Variants in PLCB1 observed in about 807,000 individuals in gnomAD.
PLCB1 encodes 1-phosphatidylinositol 4,5-bisphosphate phosphodiesterase beta-1.
A neutral mutation model predicts 161.8 loss-of-function variants in PLCB1; 46 were observed. The observed-to-expected ratio is 0.28, with a 90% CI of 0.22 to 0.36. PLCB1 has a LOEUF of 0.36. Ranked by LOEUF, PLCB1 falls within the 10% of genes least tolerant of loss-of-function variation. The probability of loss-of-function intolerance (pLI) is 1.00; values close to 1 mark genes in which losing one functional copy is unlikely to be tolerated. For missense variants in PLCB1, 1,016 were observed against 1,472.5 expected (o/e 0.69, Z 5.07); for synonymous variants, 517 against 503.7 (o/e 1.03, Z -0.35).
intron 3 of PLCB1, among the ~76,000 whole-genome samples, chr20:8,516,905 C>T (rs1300564205): frequency 4.0e-5 from 6 of 151,858 alleles, no homozygotes; most frequent in Non-Finnish European, 1.5e-5. Context: ...CAGTTCCAGG[C>T]TTTACAGTTC....
At chr20:8,417,646 T>C (rs1178399276) in intron 3 of PLCB1, among the ~76,000 whole-genome samples, 1 of 152,126 alleles carries the variant, frequency 6.6e-6, no homozygotes, top group East Asian at 1.9e-4. Context: ...ATAATAAAAG[T>C]GCCCATGAAA....
intron 3 of PLCB1, among the ~76,000 whole-genome samples, chr20:8,421,466 A>C (rs564704740): frequency 1.3e-5 from 2 of 152,292 alleles, no homozygotes; most frequent in African/African-American, 4.8e-5. Context: ...CTATTGAAGG[A>C]GCACCCAAGA....
chr20:8,735,893 C>T (rs140486310), intron 19 of PLCB1, among the ~76,000 whole-genome samples: 157 of 152,308 alleles, frequency 1.0e-3, no homozygotes, highest in African/African-American at 3.6e-3. Flanking sequence ...GACTTTCTCT[C>T]TGAATTACTC....
chr20:8,711,543 G>T (rs1979017903), intron 12 of PLCB1, among the ~76,000 whole-genome samples: 1 of 152,196 alleles, frequency 6.6e-6, no homozygotes, highest in Admixed American at 6.5e-5. Context: ...TGCCATGATT[G>T]TGTCCCAAGC....
intron 2 of PLCB1, among the ~76,000 whole-genome samples, chr20:8,349,912 A>T (rs1316060011): frequency 6.6e-6 from 1 of 152,192 alleles, no homozygotes; most frequent in Non-Finnish European, 1.5e-5. Context: ...AAAGAAATAA[A>T]GCTGTCTTTA....
chr20:8,433,065 A>G (rs1276472422), intron 3 of PLCB1, among the ~76,000 whole-genome samples: 1 of 152,244 alleles, frequency 6.6e-6, no homozygotes, highest in Non-Finnish European at 1.5e-5. Context: ...GGTTCACCAA[A>G]GTTCTAATTA....
chr20:8,411,695 CAG>C (rs546198666), intron 3 of PLCB1, among the ~76,000 whole-genome samples: 93 of 152,204 alleles, frequency 6.1e-4, no homozygotes, highest in African/African-American at 2.2e-3. Flanking sequence ...ACCTGACAAA[CAG>C]AGGCATTTTC....
At chr20:8,450,059 A>G (rs1302925874) in intron 3 of PLCB1, among the ~76,000 whole-genome samples, 1 of 152,216 alleles carries the variant, frequency 6.6e-6, no homozygotes, top group Non-Finnish European at 1.5e-5. Flanking sequence ...AATAAGAGAA[A>G]TCTCTACCAC....
chr20:8,330,140 C>T (rs1360208666), intron 2 of PLCB1, among the ~76,000 whole-genome samples: 1 of 152,122 alleles, frequency 6.6e-6, no homozygotes, highest in Non-Finnish European at 1.5e-5. Context: ...TGAATGAGAA[C>T]AATAACATCG....
chr20:8,820,280 T>C (rs528291565), intron 31 of PLCB1, among the ~76,000 whole-genome samples: 2 of 150,150 alleles, frequency 1.3e-5, no homozygotes, highest in African/African-American at 4.9e-5. Context: ...TATATGAAAT[T>C]CCTACAGATT....
At chr20:8,762,569 A>G (rs919801959) in intron 25 of PLCB1, among the ~76,000 whole-genome samples, 2 of 152,228 alleles carry the variant, frequency 1.3e-5, no homozygotes, top group African/African-American at 2.4e-5. Context: ...ACCACTTTTA[A>G]AGAAATAGAA....
intron 2 of PLCB1, among the ~76,000 whole-genome samples, chr20:8,290,673 G>T (rs1300518770): frequency 6.6e-6 from 1 of 152,134 alleles, no homozygotes; most frequent in African/African-American, 2.4e-5. Context: ...TATAGACAGA[G>T]AACACAGTGT....
At chr20:8,583,000 A>G (rs1986882087) in intron 3 of PLCB1, among the ~76,000 whole-genome samples, 1 of 151,884 alleles carries the variant, frequency 6.6e-6, no homozygotes, top group Admixed American at 6.6e-5. Context: ...AAAAAAAAAA[A>G]AAAGAAAAGG....
chr20:8,745,920 C>T (rs1981146200), intron 23 of PLCB1, among the ~76,000 whole-genome samples: 1 of 152,114 alleles, frequency 6.6e-6, no homozygotes, highest in Non-Finnish European at 1.5e-5. Context: ...TAGCATGTTT[C>T]CTATGTACAT....
At position 8,432,072 on chromosome 20, in the gene PLCB1, T is replaced by C. The variant is rs368113999; in HGVS notation, c.246+60622T>C. On this transcript the variant is annotated intron_variant, in intron 3 of 31. Coordinates refer to ENST00000338037, the MANE Select transcript of PLCB1 (RefSeq NM_015192.4). ...TGGGAGGTCTCTCTAATATCTCTGT[T>C]GTGGGATTTTTCCTTAGTTCAGCTG... Among the ~76,000 whole-genome samples the C allele has an allele frequency of 3.9e-5, 6 of 152,174 alleles. No individual in the cohort carries two copies. In the East Asian group the frequency reaches 1.2e-3, roughly 29 times the overall value.
At chr20:8,669,172 G>A (rs111803977) in intron 9 of PLCB1, among the ~76,000 whole-genome samples, 15 of 152,234 alleles carry the variant, frequency 9.9e-5, no homozygotes, top group African/African-American at 2.4e-4. Context: ...TCATTCATTC[G>A]TAAATATACT....
intron 2 of PLCB1, among the ~76,000 whole-genome samples, chr20:8,290,950 T>C (rs569632062): frequency 3.3e-5 from 5 of 151,998 alleles, no homozygotes; most frequent in African/African-American, 1.2e-4. Flanking sequence ...GTGCATAGTG[T>C]AAAGTGCTTT....
intron 2 of PLCB1, among the ~76,000 whole-genome samples, chr20:8,252,020 T>C (rs1600263210): frequency 6.6e-6 from 1 of 151,926 alleles, no homozygotes; most frequent in Non-Finnish European, 1.5e-5. Flanking sequence ...TATTACTTGA[T>C]GGCTCAAGCA....
chr20:8,601,066 T>C (rs112855744), intron 3 of PLCB1, among the ~76,000 whole-genome samples: 44,471 of 150,928 alleles, frequency 0.29, 7,690 homozygotes, highest in Non-Finnish European at 0.39. Context: ...GTCTTCTGCG[T>C]CGCTCACGCT....
Sources: gnomAD v4.1 joint callset for allele counts (sites outside exome capture counted in the v4.1 genomes callset) on GRCh38, gnomAD v4.1.1 for gene constraint, MANE v1.5 for transcripts, NCBI Gene and HGNC (gene_info 2026-07-23, HGNC 2026-07-21) for gene names.